USH2A: variants seen among roughly 807,000 people sequenced by gnomAD.
USH2A encodes Usher syndrome 2A (autosomal recessive, mild).
USH2A carries 443 observed loss-of-function variants against 538.9 expected under a neutral mutation model. That is an observed-to-expected ratio of 0.82 (90% CI 0.76 to 0.89). The LOEUF is 0.89. Among genes scored for constraint, USH2A ranks in the 40% least tolerant of loss-of-function variants. USH2A has a pLI of 0.00. For synonymous variants in USH2A, 2,413 were observed against 2,273.5 expected (o/e 1.06, Z -1.75); for missense variants, 6,633 against 6,324.8 (o/e 1.05, Z -1.65).
rs116190849 is a variant in USH2A, at chr1:216,060,788, C to T, written c.6049+9313G>A. Reference sequence around the variant, plus strand: ...ACGGAAAAAATAATTCGTATATGTGCGAAGTCTTGAATCCATTCATTCTTG... The same window carrying T: ...ACGGAAAAAATAATTCGTATATGTGTGAAGTCTTGAATCCATTCATTCTTG... On this transcript the variant is annotated intron_variant, in intron 30 of 71. Coordinates refer to ENST00000307340, the MANE Select transcript of USH2A (RefSeq NM_206933.4). Among the ~76,000 whole-genome samples, 531 of 152,248 alleles carry T rather than the reference C, an allele frequency of 3.5e-3. 4 individuals carry two copies. Among genetic ancestry groups the T allele is most frequent in the African/African-American group, 0.012 (512 of 41,538 alleles).
intron 38 of USH2A, among the ~76,000 whole-genome samples, chr1:215,928,228 TTTCCC>T (rs1482597859): frequency 6.6e-6 from 1 of 152,080 alleles, no homozygotes; most frequent in African/African-American, 2.4e-5. Context: ...AGATCAGAAT[TTTCCC>T]TCCAATAGGG....
At chr1:216,145,264 C>A (rs1371823097) in intron 21 of USH2A, among the ~76,000 whole-genome samples, 1 of 152,188 alleles carries the variant, frequency 6.6e-6, no homozygotes, top group African/African-American at 2.4e-5. Context: ...ATGGAGCAGG[C>A]TTTCATAGCT....
chr1:216,084,890 A>G lies in USH2A; in HGVS notation c.4988-13T>C, dbSNP rs1444999145. 1 of 1,609,278 alleles carries G rather than the reference A, an allele frequency of 6.2e-7. No individual in the cohort carries two copies. Among genetic ancestry groups the G allele is most frequent in the South Asian group, 1.1e-5 (1 of 90,968 alleles). Reference sequence around the variant, plus strand: ...TTTTGGATTATCTCTGCAGGAGTTTATAGATATCAAGAAATATATATTTTG... The same window carrying G: ...TTTTGGATTATCTCTGCAGGAGTTTGTAGATATCAAGAAATATATATTTTG... On this transcript the variant is annotated splice_polypyrimidine_tract_variant and intron_variant, in intron 24 of 71. Coordinates refer to ENST00000307340, the MANE Select transcript of USH2A (RefSeq NM_206933.4).
At chr1:215,885,585 T>C (rs1665029112) in intron 41 of USH2A, among the ~76,000 whole-genome samples, 1 of 152,250 alleles carries the variant, frequency 6.6e-6, no homozygotes, top group African/African-American at 2.4e-5. Flanking sequence ...TTTATTTTTC[T>C]TGTAATCAAA....
chr1:216,240,426 T>A (rs1428892529), intron 13 of USH2A, among the ~76,000 whole-genome samples: 1 of 151,946 alleles, frequency 6.6e-6, no homozygotes, highest in Non-Finnish European at 1.5e-5. Context: ...TGAATGTGTT[T>A]GCAGATTTTC....
At chr1:216,261,865 T>A (rs1452002904) in intron 11 of USH2A, among the ~76,000 whole-genome samples, 1 of 152,130 alleles carries the variant, frequency 6.6e-6, no homozygotes, top group Non-Finnish European at 1.5e-5. Flanking sequence ...TCCATCCTGA[T>A]AACTCACTCA....
At chr1:215,954,242 C>T (rs1667003264) in intron 37 of USH2A, among the ~76,000 whole-genome samples, 1 of 152,054 alleles carries the variant, frequency 6.6e-6, no homozygotes, top group Admixed American at 6.5e-5. Context: ...ATAAATCATG[C>T]TGCTATAAAG....
chr1:215,970,594 A>G (rs1014547822), intron 36 of USH2A, 31 bp downstream of exon 36: 18 of 1,613,132 alleles, frequency 1.1e-5, no homozygotes, highest in Non-Finnish European at 1.4e-5. Flanking sequence ...GACATTTAAC[A>G]CATTCCTAGA....
At chr1:215,910,807 A>G (rs542647259) in intron 38 of USH2A, among the ~76,000 whole-genome samples, 1 of 152,004 alleles carries the variant, frequency 6.6e-6, no homozygotes, top group South Asian at 2.1e-4. Flanking sequence ...AGCACTGTAC[A>G]TTCAGATTTA....
At chr1:215,730,846 T>C (rs1659975678) in intron 60 of USH2A, among the ~76,000 whole-genome samples, 1 of 152,128 alleles carries the variant, frequency 6.6e-6, no homozygotes, top group African/African-American at 2.4e-5. Flanking sequence ...CTGCACTCAG[T>C]GAAGGTTTGC....
intron 34 of USH2A, among the ~76,000 whole-genome samples, chr1:215,994,917 A>G (rs1051567157): frequency 6.6e-6 from 1 of 152,194 alleles, no homozygotes. Context: ...AAAAATGGTC[A>G]AAGACAAATT....
At chr1:215,834,094 T>C (rs1255876046) in intron 47 of USH2A, among the ~76,000 whole-genome samples, 2 of 152,132 alleles carry the variant, frequency 1.3e-5, no homozygotes, top group East Asian at 1.9e-4. Flanking sequence ...GTAGAGCAAC[T>C]TGAACTCTCA....
intron 38 of USH2A, among the ~76,000 whole-genome samples, chr1:215,929,194 A>T (rs1666305223): frequency 6.6e-6 from 1 of 152,068 alleles, no homozygotes. Flanking sequence ...AATAATAGAC[A>T]TTTTTTAAAA....
intron 32 of USH2A, among the ~76,000 whole-genome samples, chr1:216,037,713 A>C (rs2030053161): frequency 6.6e-6 from 1 of 151,932 alleles, no homozygotes; most frequent in African/African-American, 2.4e-5. Context: ...GTTTAGGGGT[A>C]CAAGGGCAGG....
At chr1:216,306,640 G>A (rs1360105364) in intron 9 of USH2A, among the ~76,000 whole-genome samples, 1 of 152,238 alleles carries the variant, frequency 6.6e-6, no homozygotes, top group African/African-American at 2.4e-5. Flanking sequence ...GTTAGACTAT[G>A]TCAGAGGGAA....
chr1:216,094,984 G>C (rs1025605376), intron 22 of USH2A, among the ~76,000 whole-genome samples: 11 of 150,332 alleles, frequency 7.3e-5, no homozygotes, highest in South Asian at 4.2e-4. Flanking sequence ...GTGTGTATAG[G>C]CATATGTGTG....
chr1:215,984,483 T>C (rs1667824734), intron 35 of USH2A, among the ~76,000 whole-genome samples: 1 of 152,188 alleles, frequency 6.6e-6, no homozygotes, highest in Admixed American at 6.5e-5. Flanking sequence ...TCCATAATGA[T>C]AGGGTTTTTA....
At chr1:215,818,280 A>C (rs1662915822) in intron 47 of USH2A, among the ~76,000 whole-genome samples, 1 of 151,826 alleles carries the variant, frequency 6.6e-6, no homozygotes, top group African/African-American at 2.4e-5. Context: ...CTATTTACTT[A>C]AGTCTCTTTT....
chr1:215,759,203 T>C (rs1660903603), intron 57 of USH2A, among the ~76,000 whole-genome samples: 1 of 152,198 alleles, frequency 6.6e-6, no homozygotes, highest in African/African-American at 2.4e-5. Context: ...TTGTCTCTGC[T>C]GAGAAATGAA....
Sources: allele counts gnomAD v4.1 joint callset (sites outside exome capture counted in the v4.1 genomes callset), GRCh38; gene constraint gnomAD v4.1.1; transcripts MANE v1.5; gene names NCBI Gene and HGNC (gene_info 2026-07-23, HGNC 2026-07-21).